Variants in MAP7 observed in about 807,000 individuals in gnomAD.
The protein encoded by MAP7 is ensconsin.
MAP7 carries 52 observed loss-of-function variants against 94.8 expected under a neutral mutation model. That is an observed-to-expected ratio of 0.55 (90% CI 0.44 to 0.69). The LOEUF (loss-of-function observed/expected upper bound fraction) is 0.69. MAP7 is among the 30% of genes least tolerant of loss of function. The probability of loss-of-function intolerance (pLI) is 0.00; values close to 1 mark genes in which losing one functional copy is unlikely to be tolerated. For missense variants in MAP7, 940 were observed against 964.6 expected (o/e 0.97, Z 0.34); for synonymous variants, 350 against 357.0 (o/e 0.98, Z 0.22).
intron 1 of MAP7, among the ~76,000 whole-genome samples, chr6:136,460,592 G>T (rs1462619253): frequency 1.3e-5 from 2 of 152,010 alleles, no homozygotes; most frequent in Non-Finnish European, 2.9e-5. Context: ...TTTTCATTTG[G>T]AAAGACTGAT....
intron 1 of MAP7, among the ~76,000 whole-genome samples, chr6:136,495,483 C>T (rs892830383): frequency 6.7e-6 from 1 of 149,296 alleles, no homozygotes; most frequent in African/African-American, 2.5e-5. Context: ...CACACACACA[C>T]ATAAACACAC....
chr6:136,360,049 T>C lies in MAP7; in HGVS notation c.1804-18A>G, dbSNP rs1034661620. On this transcript the variant is annotated intron_variant, in intron 13 of 17. Coordinates refer to ENST00000354570, the MANE Select transcript of MAP7 (RefSeq NM_003980.6). ...TCAAGTCGCTATAGGAAAGGAAGAATTGAGCAAGAAGATTAGACACAGAAA... is the reference window on the plus strand; with the variant it reads ...TCAAGTCGCTATAGGAAAGGAAGAACTGAGCAAGAAGATTAGACACAGAAA... 1.2e-6 allele frequency: 2 copies of C among 1,602,104 alleles called. No homozygotes were observed. Among genetic ancestry groups the C allele is most frequent in the African/African-American group, 1.3e-5 (1 of 74,262 alleles).
intron 1 of MAP7, among the ~76,000 whole-genome samples, chr6:136,423,782 G>GTTTTTTTTT (rs60134746): frequency 7.3e-6 from 1 of 136,132 alleles, no homozygotes; most frequent in Admixed American, 7.2e-5. Flanking sequence ...AGGGAGTTGT[G>GTTTTTTTTT]TTTTTTTTTT....
At chr6:136,376,256 G>A (rs550483350) in intron 7 of MAP7, among the ~76,000 whole-genome samples, 2 of 152,114 alleles carry the variant, frequency 1.3e-5, no homozygotes, top group East Asian at 1.9e-4. Flanking sequence ...CCGCCACCAC[G>A]CCCGGCTAAT....
intron 1 of MAP7, among the ~76,000 whole-genome samples, chr6:136,518,270 TC>T (rs1825435306): frequency 6.6e-6 from 1 of 152,220 alleles, no homozygotes; most frequent in African/African-American, 2.4e-5. Flanking sequence ...GGGTCTATAC[TC>T]CTGAACTTCA....
In MAP7 at chr6:136,384,507, T is replaced by G. The variant is rs542894684; in HGVS notation, c.527-726A>C. 1.1e-3 allele frequency among the ~76,000 whole-genome samples: 172 copies of G among 152,030 alleles called. 1 individual carries two copies. The highest frequency in any genetic ancestry group is 3.6e-3 in the African/African-American group (151 of 41,506). Reference sequence around the variant, plus strand: ...ATTTTAAAATTTCTTTTTTTTTTTTTTGGGGAGACAGGGTATTGCTCTGTT... The same window carrying G: ...ATTTTAAAATTTCTTTTTTTTTTTTGTGGGGAGACAGGGTATTGCTCTGTT... On this transcript the variant is annotated intron_variant, in intron 5 of 17. Coordinates refer to ENST00000354570, the MANE Select transcript of MAP7 (RefSeq NM_003980.6).
chr6:136,452,872 T>C (rs573045476), intron 1 of MAP7, among the ~76,000 whole-genome samples: 16 of 152,170 alleles, frequency 1.1e-4, no homozygotes, highest in African/African-American at 3.9e-4. Context: ...AATGAAAATA[T>C]GTATGTTGTT....
At chr6:136,545,143 A>G (rs1446449623) in intron 1 of MAP7, 2 of 152,182 alleles carry the variant, frequency 1.3e-5, no homozygotes, top group African/African-American at 4.8e-5. Context: ...GTTGGTGTGT[A>G]TGTCGCTGAA....
intron 3 of MAP7, among the ~76,000 whole-genome samples, chr6:136,390,954 G>T (rs1780526699): frequency 6.6e-6 from 1 of 152,178 alleles, no homozygotes; most frequent in African/African-American, 2.4e-5. Flanking sequence ...TGAGATCTCA[G>T]ACATGTTCAT....
intron 1 of MAP7, among the ~76,000 whole-genome samples, chr6:136,440,290 T>A (rs962892889): frequency 9.9e-5 from 15 of 152,074 alleles, no homozygotes; most frequent in African/African-American, 2.2e-4. Context: ...TAGAAATACA[T>A]AATTAAAACG....
chr6:136,490,341 GT>G (rs1816179214), intron 1 of MAP7, among the ~76,000 whole-genome samples: 1 of 152,100 alleles, frequency 6.6e-6, no homozygotes, highest in South Asian at 2.1e-4. Flanking sequence ...TTACTATATT[GT>G]TTTAATGATA....
At chr6:136,428,762 T>G (rs1794033697) in intron 1 of MAP7, among the ~76,000 whole-genome samples, 1 of 152,186 alleles carries the variant, frequency 6.6e-6, no homozygotes, top group South Asian at 2.1e-4. Flanking sequence ...AACATCGGCA[T>G]TCAGTCATTG....
chr6:136,512,445 T>G (rs1022659131), intron 1 of MAP7, among the ~76,000 whole-genome samples: 8 of 152,234 alleles, frequency 5.3e-5, no homozygotes, highest in African/African-American at 1.7e-4. Flanking sequence ...CTTCTCAACT[T>G]TTTATCTAGG....
rs774430215 is a variant in MAP7 at position 136,360,706 on chromosome 6, C to T, written c.1794G>A (p.Glu598=). ...HFQREEQERL[E]RKKRLEEIMK... Reference sequence around the variant, plus strand: ...ACTAAGACGCAGCTACCTTCTTTCTCTCCAGGCGCTCTTGCTCTTCTCTCT... The same window carrying T: ...ACTAAGACGCAGCTACCTTCTTTCTTTCCAGGCGCTCTTGCTCTTCTCTCT... Residue 598 remains glutamate (E), a synonymous_variant, in exon 13 of 18, where the codon GAG becomes GAA. Coordinates refer to ENST00000354570, the MANE Select transcript of MAP7 (RefSeq NM_003980.6). The T allele has an allele frequency of 2.5e-6, 4 of 1,614,004 alleles. No individual in the cohort carries two copies. In the East Asian group the frequency reaches 8.9e-5, roughly 36 times the overall value.
intron 1 of MAP7, among the ~76,000 whole-genome samples, chr6:136,548,398 T>C (rs1829893609): frequency 1.3e-5 from 2 of 152,074 alleles, no homozygotes; most frequent in African/African-American, 4.8e-5. Flanking sequence ...ACTAAAAACA[T>C]TAATAGTAAT....
chr6:136,429,571 A>G (rs1794283536), intron 1 of MAP7, among the ~76,000 whole-genome samples: 1 of 152,190 alleles, frequency 6.6e-6, no homozygotes, highest in South Asian at 2.1e-4. Flanking sequence ...ACCCTAGCTA[A>G]ACATGAGGAA....
At chr6:136,487,595 G>A (rs1372735498) in intron 1 of MAP7, among the ~76,000 whole-genome samples, 1 of 151,980 alleles carries the variant, frequency 6.6e-6, no homozygotes, top group African/African-American at 2.4e-5. Flanking sequence ...TGTAGTCCCA[G>A]ATATTCAAGA....
intron 1 of MAP7, among the ~76,000 whole-genome samples, chr6:136,452,562 T>A (rs1475868321): frequency 2.6e-5 from 4 of 152,018 alleles, no homozygotes; most frequent in Non-Finnish European, 5.9e-5. Context: ...TTTTTTAATT[T>A]TTTTTTTTGA....
intron 2 of MAP7, among the ~76,000 whole-genome samples, chr6:136,418,523 A>G (rs1334740778): frequency 1.3e-5 from 2 of 152,306 alleles, no homozygotes; most frequent in East Asian, 1.9e-4. Flanking sequence ...GCCAGCCATA[A>G]TGTGTTTTAA....
Sources: gnomAD v4.1 joint callset for allele counts (sites outside exome capture counted in the v4.1 genomes callset) on GRCh38, gnomAD v4.1.1 for gene constraint, MANE v1.5 for transcripts, NCBI Gene and HGNC (gene_info 2026-07-23, HGNC 2026-07-21) for gene names.